The following PLXNA4 variants were observed in gnomAD, a reference collection of about 807,000 sequenced individuals.
PLXNA4 encodes the protein plexin-A4.
Under a neutral mutation model 191.8 loss-of-function variants are expected in PLXNA4, and 44 were observed. The ratio of observed to expected loss-of-function variants is 0.23; its 90% CI spans 0.18 to 0.29. PLXNA4 has a LOEUF of 0.29. PLXNA4 is among the 10% of genes least tolerant of loss of function. The pLI is 1.00. For synonymous variants in PLXNA4, 1,082 were observed against 1,009.5 expected (o/e 1.07, Z -1.36); for missense variants, 1,800 against 2,488.8 (o/e 0.72, Z 5.89).
At position 132,528,263 on chromosome 7, in the gene PLXNA4, A is replaced by C. The variant is rs140816293; in HGVS notation, c.-86-19484T>G. On this transcript the variant is annotated intron_variant, in intron 1 of 31. Coordinates refer to ENST00000321063, the MANE Select transcript of PLXNA4 (RefSeq NM_020911.2). ...CTCCCAGGAGGCGCAGCAGTTGGAC[A>C]CGAGGCTTCTCCATGGTGCGGACTA... Among the ~76,000 whole-genome samples the C allele has an allele frequency of 4.8e-3, 738 of 152,266 alleles. 3 individuals carry two copies. The highest frequency in any genetic ancestry group is 7.5e-3 in the Non-Finnish European group (513 of 68,026).
chr7:132,431,343 G>A (rs573443543), intron 3 of PLXNA4, among the ~76,000 whole-genome samples: 8 of 152,156 alleles, frequency 5.3e-5, no homozygotes, highest in Non-Finnish European at 8.8e-5. Flanking sequence ...CCCAATCCTG[G>A]GTGGTAAGGC....
intron 4 of PLXNA4, among the ~76,000 whole-genome samples, chr7:132,249,048 C>T (rs1251057729): frequency 6.6e-6 from 1 of 152,248 alleles, no homozygotes; most frequent in Non-Finnish European, 1.5e-5. Context: ...TAGGCAGGAC[C>T]TCTGGGGTCA....
At chr7:132,332,731 G>T (rs1249975528) in intron 3 of PLXNA4, among the ~76,000 whole-genome samples, 2 of 151,798 alleles carry the variant, frequency 1.3e-5, no homozygotes, top group African/African-American at 4.8e-5. Context: ...TGGTGGGCGA[G>T]GGCCTGTAGT....
At chr7:132,623,346 C>CAA (rs34787394) in intron 2 of PLXNA4, among the ~76,000 whole-genome samples, 23,387 of 147,280 alleles carry the variant, frequency 0.16, 2,076 homozygotes, top group East Asian at 0.27. Context: ...AATTCCATCT[C>CAA]AAAAAATAAA....
chr7:132,571,382 C>T (rs938591414), intron 1 of PLXNA4, among the ~76,000 whole-genome samples: 19 of 152,160 alleles, frequency 1.2e-4, no homozygotes, highest in African/African-American at 4.1e-4. Context: ...TGACATGGTC[C>T]GTTGGCACCA....
At chr7:132,433,183 TG>T (rs1563095746) in intron 3 of PLXNA4, among the ~76,000 whole-genome samples, 2 of 152,160 alleles carry the variant, frequency 1.3e-5, no homozygotes, top group Non-Finnish European at 2.9e-5. Flanking sequence ...GAGTAAAACT[TG>T]GGGGGAAAAA....
At chr7:132,164,086 C>T in intron 24 of PLXNA4, 56 bp downstream of exon 24, 2 of 1,608,152 alleles carry the variant, frequency 1.2e-6, no homozygotes, top group Middle Eastern at 2.2e-4. Context: ...AGCAGGGCTA[C>T]CCAGGATGGA....
Position 132,497,035 on chromosome 7 carries a change from A to G in PLXNA4, c.1189-7561T>C, listed in dbSNP as rs575336643. Among the ~76,000 whole-genome samples the G allele has an allele frequency of 2.0e-5, 3 of 152,342 alleles. No homozygotes were observed. In the South Asian group the frequency reaches 6.2e-4, roughly 32 times the overall value. On this transcript the variant is annotated intron_variant, in intron 2 of 31. Coordinates refer to ENST00000321063, the MANE Select transcript of PLXNA4 (RefSeq NM_020911.2). ...AAGCCCATGAGCTGCCTATTGATAC[A>G]GAAAAGAAAAGGTCTTTATATTCTT...
intron 4 of PLXNA4, among the ~76,000 whole-genome samples, chr7:132,256,105 G>T (rs1340296131): frequency 6.6e-6 from 1 of 152,214 alleles, no homozygotes; most frequent in African/African-American, 2.4e-5. Flanking sequence ...AGTTGGCACG[G>T]CACGTCTGGA....
At chr7:132,385,311 C>T (rs1028348544) in intron 3 of PLXNA4, 1 of 1,604,874 alleles carries the variant, frequency 6.2e-7, no homozygotes, top group African/African-American at 1.3e-5. Flanking sequence ...AAAGATGAAA[C>T]CTTAGCAGAC....
At chr7:132,592,679 G>C (rs1192550586) in intron 2 of PLXNA4, among the ~76,000 whole-genome samples, 1 of 151,982 alleles carries the variant, frequency 6.6e-6, no homozygotes, top group East Asian at 1.9e-4. Context: ...CCAGAATGCT[G>C]TAGCCCTTTC....
intron 5 of PLXNA4, among the ~76,000 whole-genome samples, chr7:132,239,823 G>A (rs970299088): frequency 6.6e-5 from 10 of 152,320 alleles, no homozygotes; most frequent in African/African-American, 1.9e-4. Flanking sequence ...GACTGGGCAC[G>A]TTCAGGGTGG....
chr7:132,239,572 C>G (rs967877476), intron 5 of PLXNA4, among the ~76,000 whole-genome samples: 3 of 152,288 alleles, frequency 2.0e-5, no homozygotes, highest in East Asian at 3.9e-4. Context: ...AGAGTACAGT[C>G]CCTTCCTCAG....
intron 3 of PLXNA4, among the ~76,000 whole-genome samples, chr7:132,469,873 G>C (rs990861316): frequency 1.3e-5 from 2 of 152,178 alleles, no homozygotes; most frequent in African/African-American, 4.8e-5. Flanking sequence ...ACATAAGCCT[G>C]GTCAGTCACA....
intron 2 of PLXNA4, among the ~76,000 whole-genome samples, chr7:132,594,372 C>T (rs997537655): frequency 2.6e-5 from 4 of 152,178 alleles, no homozygotes; most frequent in East Asian, 1.9e-4. Flanking sequence ...AGTGGGAGCA[C>T]GACCCTGCAG....
chr7:132,348,030 G>T (rs1394653029), intron 3 of PLXNA4, among the ~76,000 whole-genome samples: 1 of 152,174 alleles, frequency 6.6e-6, no homozygotes, highest in Non-Finnish European at 1.5e-5. Context: ...CCTCCCAGTT[G>T]CTCCTTAGGC....
intron 30 of PLXNA4, among the ~76,000 whole-genome samples, chr7:132,140,067 C>T (rs1010680303): frequency 5.3e-5 from 8 of 152,136 alleles, no homozygotes; most frequent in Admixed American, 3.9e-4. Flanking sequence ...TTGATCACAA[C>T]GCTGCAAGAA....
chr7:132,298,055 C>T (rs376018898), intron 4 of PLXNA4, 36 bp downstream of exon 4: 3 of 1,613,756 alleles, frequency 1.9e-6, no homozygotes, highest in South Asian at 1.1e-5. Flanking sequence ...TATTTAACTG[C>T]AAGACAAATG....
At chr7:132,266,878 G>A (rs73496828) in intron 4 of PLXNA4, among the ~76,000 whole-genome samples, 3,761 of 152,266 alleles carry the variant, frequency 0.025, 173 homozygotes, top group African/African-American at 0.087. Flanking sequence ...GGCTTCAAAG[G>A]GATTAATCTT....
Sources: allele counts gnomAD v4.1 joint callset (sites outside exome capture counted in the v4.1 genomes callset), GRCh38; gene constraint gnomAD v4.1.1; transcripts MANE v1.5; gene names NCBI Gene and HGNC (gene_info 2026-07-23, HGNC 2026-07-21).